The following EIPR1 variants were observed in gnomAD, a reference collection of about 807,000 sequenced individuals.
The protein encoded by EIPR1 is EARP complex and GARP complex interacting protein 1, also known as EARP and GARP complex-interacting protein 1.
A neutral mutation model predicts 48.1 loss-of-function variants in EIPR1; 25 were observed. The ratio of observed to expected loss-of-function variants is 0.52; its 90% CI spans 0.38 to 0.73. The LOEUF (loss-of-function observed/expected upper bound fraction) is 0.73. Among genes scored for constraint, EIPR1 ranks in the 30% least tolerant of loss-of-function variants. The pLI, the probability that EIPR1 is intolerant of heterozygous loss-of-function variation, is 0.00. For missense variants in EIPR1, 415 were observed against 506.2 expected (o/e 0.82, Z 1.73); for synonymous variants, 204 against 201.9 (o/e 1.01, Z -0.09).
At chr2:3,316,160 C>G (rs1231027938) in intron 3 of EIPR1, among the ~76,000 whole-genome samples, 1 of 147,436 alleles carries the variant, frequency 6.8e-6, no homozygotes, top group African/African-American at 2.5e-5. Context: ...ACCATCATCA[C>G]CACCCCCACA....
chr2:3,267,752 G>A (rs906507646), intron 3 of EIPR1, among the ~76,000 whole-genome samples: 7 of 152,144 alleles, frequency 4.6e-5, no homozygotes, highest in African/African-American at 1.7e-4. Context: ...CACCCCATGA[G>A]CTAAGAGTGG....
intron 3 of EIPR1, among the ~76,000 whole-genome samples, chr2:3,275,474 A>G (rs1011142698): frequency 6.6e-6 from 1 of 152,262 alleles, no homozygotes; most frequent in Non-Finnish European, 1.5e-5. Flanking sequence ...TTAGAAAAAA[A>G]TTAAAATAGC....
intron 3 of EIPR1, among the ~76,000 whole-genome samples, chr2:3,324,588 C>A (rs189246161): frequency 2.0e-5 from 3 of 152,392 alleles, no homozygotes; most frequent in East Asian, 1.9e-4. Context: ...CCGCTCAAGG[C>A]GGCACCTTCT....
chr2:3,326,586 G>T (rs1470341590), intron 3 of EIPR1, among the ~76,000 whole-genome samples: 2 of 152,208 alleles, frequency 1.3e-5, no homozygotes, highest in Admixed American at 6.5e-5. Context: ...CCTCCCTGGA[G>T]TGTGCTAAGT....
intron 5 of EIPR1, among the ~76,000 whole-genome samples, chr2:3,202,025 T>C (rs546475619): frequency 2.6e-5 from 4 of 152,264 alleles, no homozygotes; most frequent in South Asian, 2.1e-4. Context: ...CAAGCTCCAA[T>C]TCCCGGGGTT....
chr2:3,269,522 A>ATCATCGCACTCAGTCATCGCACTCAG lies in EIPR1; in HGVS notation c.260-12093_260-12068dup, dbSNP rs1320236490. On this transcript the variant is annotated intron_variant, in intron 3 of 8. Transcript: ENST00000382125. The stretch of plus-strand genomic sequence containing the variant: ...TCGCACTCAATCATCATCACACTCA[A>ATCATCGCACTCAGTCATCGCACTCAG]TCATCGCACTCAGTCATCGCACTCA... Among the ~76,000 whole-genome samples, 24 of 63,694 alleles carry ATCATCGCACTCAGTCATCGCACTCAG rather than the reference A, an allele frequency of 3.8e-4. 1 individual carries two copies. Among genetic ancestry groups the ATCATCGCACTCAGTCATCGCACTCAG allele is most frequent in the Admixed American group, 1.0e-3 (6 of 5,974 alleles). The allele number at this position is 63,694 out of a possible 152,430, so 41.8% of individuals were successfully genotyped here.
At chr2:3,193,975 T>C (rs1010358920) in intron 7 of EIPR1, 24 bp downstream of exon 7, 1 of 1,611,820 alleles carries the variant, frequency 6.2e-7, no homozygotes, top group Admixed American at 1.7e-5. Context: ...CCCTCCTCCC[T>C]GAAGCAGCCA....
chr2:3,360,334 G>A (rs901364498), intron 1 of EIPR1, among the ~76,000 whole-genome samples: 6 of 151,500 alleles, frequency 4.0e-5, no homozygotes, highest in African/African-American at 1.5e-4. Flanking sequence ...AACCAGGGAG[G>A]CAGAAGTTGC....
intron 6 of EIPR1, 97 bp downstream of exon 6, chr2:3,196,784 C>T (rs2103108491): frequency 2.0e-6 from 3 of 1,489,790 alleles, no homozygotes; most frequent in Non-Finnish European, 2.7e-6. Flanking sequence ...CATGCGCCCC[C>T]AAAGGCATGT....
chr2:3,308,185 C>T (rs1669010146), intron 3 of EIPR1, among the ~76,000 whole-genome samples: 1 of 152,172 alleles, frequency 6.6e-6, no homozygotes, highest in Non-Finnish European at 1.5e-5. Flanking sequence ...GGCCAGGACC[C>T]AGTCCCCAAA....
intron 3 of EIPR1, among the ~76,000 whole-genome samples, chr2:3,323,274 C>T (rs1265874023): frequency 2.0e-5 from 3 of 152,178 alleles, no homozygotes; most frequent in African/African-American, 7.2e-5. Flanking sequence ...CCAGTGGTCC[C>T]CCCAGCCAGG....
rs1035620086 is a variant in EIPR1, at chr2:3,189,603, C to T, written c.990-95G>A. 16 of 1,242,634 alleles carry T rather than the reference C, an allele frequency of 1.3e-5. No individual in the cohort carries two copies. Among genetic ancestry groups the T allele is most frequent in the Middle Eastern group, 2.9e-4 (1 of 3,414 alleles). The allele number at this position is 1,242,634 out of a possible 1,614,324, so 77.0% of individuals were successfully genotyped here. On this transcript the variant is annotated intron_variant, in intron 8 of 8. Transcript: ENST00000382125. The surrounding 1 kb of genome is among the most constrained non-coding windows in gnomAD (Gnocchi z 4.6). ...ACGCGAGCGCTGACATCGGGAGACA[C>T]GGGAGGTACTGGGGCCTCAGCTTTC...
chr2:3,200,564 C>T (rs992096565), intron 5 of EIPR1, among the ~76,000 whole-genome samples: 11 of 151,844 alleles, frequency 7.2e-5, no homozygotes, highest in Non-Finnish European at 1.0e-4. Context: ...AGCAGGAAAA[C>T]GCCAGGAGCA....
chr2:3,194,188 C>G (rs773801499), intron 6 of EIPR1, 22 bp from the exon 7 acceptor site: 1 of 1,611,854 alleles, frequency 6.2e-7, no homozygotes, highest in African/African-American at 1.3e-5. Context: ...GGAAGAACAG[C>G]AAAGGAAAAT....
chr2:3,322,963 G>A lies in EIPR1; in HGVS notation c.259+15054C>T, dbSNP rs7566397. ...GGCGTACGTGCGAGGTGTCCCTGTC[G>A]CCACAGCCAATATATAAGCGAAAAG... On this transcript the variant is annotated intron_variant, in intron 3 of 8. Transcript: ENST00000382125. Among the ~76,000 whole-genome samples, 1,099 of 152,244 alleles carry A rather than the reference G, an allele frequency of 7.2e-3. 14 individuals carry two copies. Among genetic ancestry groups the A allele is most frequent in the African/African-American group, 0.025 (1,030 of 41,540 alleles).
chr2:3,209,047 G>A (rs374534418), intron 5 of EIPR1: 90 of 1,438,758 alleles, frequency 6.3e-5, no homozygotes, highest in Admixed American at 5.1e-4. Flanking sequence ...CATCTTTTCC[G>A]GGACGCCTGC....
intron 4 of EIPR1, among the ~76,000 whole-genome samples, chr2:3,219,202 A>T (rs1665770915): frequency 6.6e-6 from 1 of 151,318 alleles, no homozygotes; most frequent in South Asian, 2.1e-4. Context: ...TTTCACAGTG[A>T]GTCAGGTGCA....
intron 6 of EIPR1, among the ~76,000 whole-genome samples, chr2:3,195,470 A>G (rs1291485353): frequency 6.6e-6 from 1 of 152,170 alleles, no homozygotes; most frequent in Non-Finnish European, 1.5e-5. Context: ...CTCACATTAG[A>G]ACTCCCGGCC....
At chr2:3,259,514 G>A (rs1219720031) in intron 3 of EIPR1, among the ~76,000 whole-genome samples, 1 of 152,174 alleles carries the variant, frequency 6.6e-6, no homozygotes, top group African/African-American at 2.4e-5. Context: ...GGACAATGAA[G>A]TTTCCACGTA....
Sources: gnomAD v4.1 joint callset for allele counts (sites outside exome capture counted in the v4.1 genomes callset) on GRCh38, gnomAD v4.1.1 for gene constraint, Gnocchi (gnomAD v3.1) non-coding constraint, MANE v1.5 for transcripts, NCBI Gene and HGNC (gene_info 2026-07-23, HGNC 2026-07-21) for gene names.